Variants in WDR43 observed in about 807,000 individuals in gnomAD.
WDR43 encodes WD repeat-containing protein 43.
In WDR43, 13 loss-of-function variants were observed where a neutral mutation model predicts 91.4. The ratio of observed to expected loss-of-function variants is 0.14; its 90% confidence interval spans 0.09 to 0.23. The LOEUF (loss-of-function observed/expected upper bound fraction) is 0.23. Among genes scored for constraint, WDR43 ranks in the 10% least tolerant of loss-of-function variants. The pLI is 1.00. For synonymous variants in WDR43, 331 were observed against 287.9 expected (o/e 1.15, Z -1.51); for missense variants, 780 against 809.4 (o/e 0.96, Z 0.44).
chr2:28,926,432 C>G, intron 8 of WDR43, 36 bp from the exon 9 acceptor site: 4 of 1,391,628 alleles, frequency 2.9e-6, no homozygotes, highest in Non-Finnish European at 3.8e-6. Flanking sequence ...TTTTTCTTTC[C>G]TCTCATCTTC....
Position 28,926,546 on chromosome 2 carries a change from A to G in WDR43, c.1165A>G (p.Ile389Val), listed in dbSNP as rs376874989. ...CTGGGCCCCCAAAGTAGAAACAGCT[A>G]TAACAAAGGTGAGCACATTACAAAT... Reference protein sequence around the residue: ...NCWAPKVETAITKVRTPVMNS... With the variant: ...NCWAPKVETAVTKVRTPVMNS... Residue 389 changes from isoleucine (I) to valine (V), a missense_variant, in exon 9 of 18, where the codon ATA becomes GTA. Physicochemically the swap from Ile to Val is conservative, Grantham distance 29. Transcript: ENST00000407426. 2.0e-5 allele frequency: 32 copies of G among 1,592,564 alleles called. No individual in the cohort carries two copies. The African/African-American group carries it at 2.1e-4, about 11-fold the overall frequency.
At chr2:28,919,995 A>G (rs1670990320) in intron 6 of WDR43, among the ~76,000 whole-genome samples, 1 of 151,714 alleles carries the variant, frequency 6.6e-6, no homozygotes, top group African/African-American at 2.4e-5. Flanking sequence ...CTGCGCTACC[A>G]TGCCTGGCGA....
intron 4 of WDR43, among the ~76,000 whole-genome samples, 182 bp downstream of exon 4, chr2:28,912,892 A>G (rs981100787): frequency 2.6e-5 from 4 of 151,990 alleles, no homozygotes; most frequent in African/African-American, 9.7e-5. Context: ...GAGACTAGAC[A>G]TGTCTACTTC....
chr2:28,926,629 ATG>A, intron 9 of WDR43, 75 bp downstream of exon 9: 3 of 1,270,866 alleles, frequency 2.4e-6, no homozygotes, highest in Non-Finnish European at 3.2e-6. Context: ...ACTTAGTATT[ATG>A]ATTAAACTGA....
intron 16 of WDR43, among the ~76,000 whole-genome samples, chr2:28,945,438 T>G (rs915818248): frequency 6.6e-6 from 1 of 152,202 alleles, no homozygotes; most frequent in African/African-American, 2.4e-5. Context: ...TGAAGACTCT[T>G]TTTAGTCTTT....
chr2:28,935,469 G>A (rs1439102315), intron 11 of WDR43, 52 bp from the exon 12 acceptor site: 1 of 1,268,798 alleles, frequency 7.9e-7, no homozygotes, highest in Non-Finnish European at 1.1e-6. Flanking sequence ...TTTCTGTGAT[G>A]TCCTTGGTTT....
intron 12 of WDR43, among the ~76,000 whole-genome samples, chr2:28,936,431 A>T (rs1558382711): frequency 6.6e-6 from 1 of 152,206 alleles, no homozygotes; most frequent in Admixed American, 6.5e-5. Flanking sequence ...AGTGTCTTGT[A>T]TAGAAAAGGG....
At chr2:28,899,211 T>C (rs945717030) in intron 1 of WDR43, among the ~76,000 whole-genome samples, 1 of 152,228 alleles carries the variant, frequency 6.6e-6, no homozygotes, top group African/African-American at 2.4e-5. Flanking sequence ...TATTACTTAA[T>C]ATATTTATCT....
chr2:28,902,253 A>T, intron 2 of WDR43, 129 bp downstream of exon 2: 1 of 903,038 alleles, frequency 1.1e-6, no homozygotes, highest in Non-Finnish European at 1.6e-6. Context: ...AGTCTCATCT[A>T]CGTTTAAATA....
intron 11 of WDR43, among the ~76,000 whole-genome samples, chr2:28,931,944 A>G (rs937312920): frequency 3.4e-5 from 5 of 146,612 alleles, no homozygotes; most frequent in Non-Finnish European, 5.9e-5. Flanking sequence ...CAGTGTTGCA[A>G]TTGTAGCTCA....
intron 11 of WDR43, among the ~76,000 whole-genome samples, chr2:28,931,865 C>T (rs1671253505): frequency 6.9e-6 from 1 of 144,452 alleles, no homozygotes; most frequent in African/African-American, 2.6e-5. Context: ...ACATGCCCTT[C>T]CCCCCGCCCT....
At chr2:28,941,106 G>A (rs1209566737) in intron 14 of WDR43, among the ~76,000 whole-genome samples, 1 of 152,180 alleles carries the variant, frequency 6.6e-6, no homozygotes, top group Non-Finnish European at 1.5e-5. Flanking sequence ...AGCCTCTTTA[G>A]CCTGGAGATA....
chr2:28,906,706 G>A, intron 3 of WDR43, 125 bp downstream of exon 3: 8 of 1,248,356 alleles, frequency 6.4e-6, no homozygotes, highest in Non-Finnish European at 8.4e-6. Context: ...AATCGAGCAT[G>A]CAAGATTTTA....
At position 28,912,644 on chromosome 2, in the gene WDR43, A is replaced by G. The variant is rs1670824296; in HGVS notation, c.540A>G (p.Gly180=). ...SVSSLCISPD[G]KMLLSAGRTI... is the part of the protein sequence containing the mutation. Reference sequence around the variant, plus strand: ...GTTCCCTATGTATCAGCCCAGATGGAAAGATGTTGCTTTCAGCTGGTCGAA... The same window carrying G: ...GTTCCCTATGTATCAGCCCAGATGGGAAGATGTTGCTTTCAGCTGGTCGAA... The change falls in exon 4 of 18, where the codon GGA becomes GGG. Residue 180 remains glycine, a synonymous_variant. Coordinates refer to ENST00000407426, the MANE Select transcript of WDR43 (RefSeq NM_015131.3). 1.2e-6 allele frequency: 2 copies of G among 1,613,868 alleles called. No individual in the cohort carries two copies. The highest frequency in any genetic ancestry group is 2.2e-5 in the South Asian group (2 of 91,088).
intron 1 of WDR43, among the ~76,000 whole-genome samples, chr2:28,897,811 A>C (rs1670510360): frequency 6.6e-6 from 1 of 152,242 alleles, no homozygotes; most frequent in Admixed American, 6.5e-5. Context: ...TGTTGGTCAC[A>C]GAATGATTAC....
intron 13 of WDR43, among the ~76,000 whole-genome samples, chr2:28,937,480 AATTC>A (rs1363493770): frequency 1.3e-5 from 2 of 152,146 alleles, no homozygotes; most frequent in African/African-American, 4.8e-5. Context: ...AAAGCTAAAT[AATTC>A]ATTAATTATG....
chr2:28,912,947 ATTTTTT>A (rs35646381), intron 4 of WDR43, among the ~76,000 whole-genome samples: 54 of 100,962 alleles, frequency 5.3e-4, no homozygotes, highest in African/African-American at 1.7e-3. Flanking sequence ...AAGAAACAAG[ATTTTTT>A]TTTTTTTTTT....
intron 2 of WDR43, 114 bp from the exon 3 acceptor site, chr2:28,906,327 ATATCCACGTGTGGGCCAGG>A: frequency 1.2e-6 from 1 of 832,532 alleles, no homozygotes; most frequent in Non-Finnish European, 1.8e-6. Flanking sequence ...CTGATCTGAA[ATATCCACGTGTGGGCCAGG>A]AGCACTGGCT....
At chr2:28,932,257 A>G (rs1242061493) in intron 11 of WDR43, among the ~76,000 whole-genome samples, 2 of 151,950 alleles carry the variant, frequency 1.3e-5, no homozygotes, top group African/African-American at 4.8e-5. Flanking sequence ...TCTGCCTCCC[A>G]GGTTCAAGCG....
Sources: allele counts gnomAD v4.1 joint callset (sites outside exome capture counted in the v4.1 genomes callset), GRCh38; gene constraint gnomAD v4.1.1; transcripts MANE v1.5; gene names NCBI Gene and HGNC (gene_info 2026-07-23, HGNC 2026-07-21).